The following NKAIN2 variants were observed in gnomAD, a reference collection of about 807,000 sequenced individuals.
NKAIN2 encodes the protein sodium/potassium-transporting ATPase subunit beta-1-interacting protein 2.
In NKAIN2, 14 loss-of-function variants were observed where a neutral mutation model predicts 32.6. That is an observed-to-expected ratio of 0.43 (90% CI 0.28 to 0.67). NKAIN2 has a LOEUF of 0.67. NKAIN2 is among the 30% of genes least tolerant of loss of function. NKAIN2 has a pLI of 0.17. For missense variants in NKAIN2, 198 were observed against 258.3 expected, an observed-to-expected ratio of 0.77 and a Z score of 1.60; for synonymous variants, 80 against 87.2, an observed-to-expected ratio of 0.92 and a Z score of 0.46.
intron 3 of NKAIN2, among the ~76,000 whole-genome samples, chr6:124,648,175 A>G (rs973018059): frequency 2.0e-5 from 3 of 152,210 alleles, no homozygotes; most frequent in Non-Finnish European, 2.9e-5. Flanking sequence ...AAATGCTGAC[A>G]TGAACCAGTA....
intron 4 of NKAIN2, among the ~76,000 whole-genome samples, chr6:124,704,120 A>G (rs1316332491): frequency 6.6e-6 from 1 of 151,990 alleles, no homozygotes; most frequent in Non-Finnish European, 1.5e-5. Flanking sequence ...CAAAAGAACT[A>G]TTTATAAGAA....
intron 1 of NKAIN2, among the ~76,000 whole-genome samples, chr6:124,199,225 TA>T (rs1790487243): frequency 6.6e-6 from 1 of 152,176 alleles, no homozygotes; most frequent in Non-Finnish European, 1.5e-5. Flanking sequence ...TCTGGTCTTT[TA>T]AAAAAGATTT....
intron 3 of NKAIN2, among the ~76,000 whole-genome samples, chr6:124,484,591 T>C (rs1053095645): frequency 6.6e-6 from 1 of 152,182 alleles, no homozygotes; most frequent in Admixed American, 6.6e-5. Context: ...AATTTCTGGT[T>C]TTAAACTTGA....
chr6:124,055,398 CTG>C (rs773671746), intron 1 of NKAIN2, among the ~76,000 whole-genome samples: 2 of 151,928 alleles, frequency 1.3e-5, no homozygotes, highest in Non-Finnish European at 2.9e-5. Flanking sequence ...GACTGAAAAA[CTG>C]TTACTCTTAA....
At chr6:124,459,722 A>G (rs1327967836) in intron 3 of NKAIN2, among the ~76,000 whole-genome samples, 4 of 151,748 alleles carry the variant, frequency 2.6e-5, no homozygotes, top group South Asian at 2.1e-4. Context: ...TTCTGTTGGT[A>G]TAATATAACT....
chr6:124,187,596 T>C (rs915858792), intron 1 of NKAIN2, among the ~76,000 whole-genome samples: 1 of 152,180 alleles, frequency 6.6e-6, no homozygotes, highest in African/African-American at 2.4e-5. Context: ...TTAACACCAT[T>C]CTCAACTGAA....
At chr6:124,616,378 T>G (rs1782888198) in intron 3 of NKAIN2, among the ~76,000 whole-genome samples, 1 of 150,732 alleles carries the variant, frequency 6.6e-6, no homozygotes, top group African/African-American at 2.4e-5. Context: ...ATTTAAAGTA[T>G]TTTATACTAC....
chr6:124,355,252 C>T lies in NKAIN2; in HGVS notation c.193-15C>T. On this transcript the variant is annotated splice_polypyrimidine_tract_variant and intron_variant, in intron 2 of 6. Coordinates refer to ENST00000368417, the MANE Select transcript of NKAIN2 (RefSeq NM_001040214.3). ...CAAATTAATTATACGTTATTTCTCT[C>T]TTGCTTCTCTACAGTATGCTGTCTG... 1 of 1,540,588 alleles carries T rather than the reference C, an allele frequency of 6.5e-7. No homozygotes were observed. The highest frequency in any genetic ancestry group is 9.0e-7 in the Non-Finnish European group (1 of 1,115,886).
At chr6:123,928,551 A>G (rs779729092) in intron 1 of NKAIN2, among the ~76,000 whole-genome samples, 2 of 152,142 alleles carry the variant, frequency 1.3e-5, no homozygotes, top group Non-Finnish European at 2.9e-5. Flanking sequence ...TCCAGAGAAA[A>G]TTCTATTTCT....
intron 1 of NKAIN2, among the ~76,000 whole-genome samples, chr6:123,829,979 A>G (rs9490953): frequency 0.091 from 13,795 of 152,216 alleles, 1,442 homozygotes; most frequent in African/African-American, 0.26. Context: ...AAAGAAGTCT[A>G]TAATTTGCCT....
chr6:124,218,851 A>G (rs944672098), intron 1 of NKAIN2, among the ~76,000 whole-genome samples: 1 of 152,200 alleles, frequency 6.6e-6, no homozygotes, highest in African/African-American at 2.4e-5. Flanking sequence ...ACACTGCTAT[A>G]AAGAGATACC....
At chr6:124,301,483 C>T (rs1478053622) in intron 2 of NKAIN2, among the ~76,000 whole-genome samples, 1 of 152,152 alleles carries the variant, frequency 6.6e-6, no homozygotes, top group Non-Finnish European at 1.5e-5. Flanking sequence ...CCACCATCCT[C>T]CAGACCCCAC....
intron 1 of NKAIN2, among the ~76,000 whole-genome samples, chr6:123,898,769 A>G (rs909048738): frequency 1.8e-4 from 28 of 152,122 alleles, no homozygotes; most frequent in African/African-American, 6.5e-4. Context: ...TGTCTTTGGT[A>G]TTAGCTGGAC....
intron 1 of NKAIN2, among the ~76,000 whole-genome samples, chr6:123,896,366 G>T (rs1208970707): frequency 1.3e-5 from 2 of 152,000 alleles, no homozygotes; most frequent in African/African-American, 4.8e-5. Flanking sequence ...TCTTATTCTA[G>T]AATTTTTGCT....
At chr6:124,793,398 G>A (rs1207879185) in intron 5 of NKAIN2, among the ~76,000 whole-genome samples, 1 of 152,124 alleles carries the variant, frequency 6.6e-6, no homozygotes, top group African/African-American at 2.4e-5. Flanking sequence ...TTTAAAATGT[G>A]TGGACCAAAC....
intron 3 of NKAIN2, among the ~76,000 whole-genome samples, chr6:124,603,797 A>G (rs1033256242): frequency 1.3e-5 from 2 of 151,990 alleles, no homozygotes; most frequent in Non-Finnish European, 2.9e-5. Context: ...TAGTCACCCT[A>G]GATTGAAGTC....
intron 1 of NKAIN2, among the ~76,000 whole-genome samples, chr6:124,262,194 A>C (rs1354788114): frequency 6.6e-6 from 1 of 152,166 alleles, no homozygotes; most frequent in Non-Finnish European, 1.5e-5. Context: ...GCAAATAGAC[A>C]TTGAATAATC....
chr6:124,751,633 T>A (rs960947173), intron 4 of NKAIN2, among the ~76,000 whole-genome samples: 2 of 151,920 alleles, frequency 1.3e-5, no homozygotes, highest in Admixed American at 1.3e-4. Flanking sequence ...GTGGCTGTAG[T>A]AGAGTAGGTA....
At chr6:124,407,725 T>A (rs1398476074) in intron 3 of NKAIN2, among the ~76,000 whole-genome samples, 1 of 151,870 alleles carries the variant, frequency 6.6e-6, no homozygotes, top group Non-Finnish European at 1.5e-5. Context: ...ATGAGATGGC[T>A]GGGTCAAATG....
Sources: allele counts gnomAD v4.1 joint callset (sites outside exome capture counted in the v4.1 genomes callset), GRCh38; gene constraint gnomAD v4.1.1; transcripts MANE v1.5; gene names NCBI Gene and HGNC (gene_info 2026-07-23, HGNC 2026-07-21).